The following TECTA variants were observed in gnomAD, a reference collection of about 807,000 sequenced individuals.
The protein encoded by TECTA is tectorin alpha.
In TECTA, 128 loss-of-function variants were observed where a neutral mutation model predicts 216.8. That is an observed-to-expected ratio of 0.59 (90% confidence interval 0.51 to 0.68). The LOEUF (loss-of-function observed/expected upper bound fraction) is 0.68, where lower values mean the gene tolerates loss of function less well. TECTA is among the 30% of genes least tolerant of loss of function. The pLI, the probability that TECTA is intolerant of heterozygous loss-of-function variation, is 0.00. For synonymous variants in TECTA, 1,089 were observed against 1,117.1 expected, an observed-to-expected ratio of 0.97 and a Z score of 0.50; for missense variants, 2,551 against 2,786.2, an observed-to-expected ratio of 0.92 and a Z score of 1.90.
intron 16 of TECTA, among the ~76,000 whole-genome samples, chr11:121,163,579 C>A (rs1004959603): frequency 6.6e-6 from 1 of 151,792 alleles, no homozygotes; most frequent in African/African-American, 2.4e-5. Flanking sequence ...TGCACATGTA[C>A]CCTAAAACTT....
intron 7 of TECTA, 122 bp downstream of exon 7, chr11:121,118,840 A>G: frequency 1.5e-6 from 2 of 1,297,734 alleles, no homozygotes; most frequent in Non-Finnish European, 2.2e-6. Flanking sequence ...AGAGATGCAC[A>G]GCTCTCCCCG....
In TECTA at chr11:121,138,027, G is replaced by C; in HGVS notation, c.3543+5G>C. 6.2e-7 allele frequency: 1 copy of C among 1,613,806 alleles called. No individual in the cohort carries two copies. The highest frequency in any genetic ancestry group is 8.5e-7 in the Non-Finnish European group (1 of 1,179,768). ...GCTTACAAGCACACTGTGCTGGTGA[G>C]TAGTCATGAGGTCCCCTCAAAAGGG... On this transcript the variant is annotated splice_donor_5th_base_variant and intron_variant, in intron 11 of 23. Transcript: ENST00000392793.
chr11:121,130,298 G>A, intron 10 of TECTA, 87 bp downstream of exon 10: 1 of 1,462,688 alleles, frequency 6.8e-7, no homozygotes, highest in East Asian at 2.3e-5. Context: ...CCTTCCAGGT[G>A]GGACTGAGCT....
chr11:121,173,447 A>T (rs12365488), intron 20 of TECTA, among the ~76,000 whole-genome samples: 15,626 of 133,252 alleles, frequency 0.12, 1,175 homozygotes, highest in South Asian at 0.3. Context: ...TAAATAGGGA[A>T]TCCTTTCCCC....
Position 121,127,680 on chromosome 11 carries a change from T to C in TECTA, c.1775-72T>C. On this transcript the variant is annotated intron_variant, in intron 8 of 23. Transcript: ENST00000392793. This position sits in a 1 kb window ranked among gnomAD's most constrained non-coding sequence, Gnocchi z 5.0. ...GGAACTAAATGATCCAGGAGGAGCG[T>C]TAAGATTCTGGCGGGTTAGCACTCC... 6.4e-7 allele frequency: 1 copy of C among 1,554,734 alleles called. No individual in the cohort carries two copies. The highest frequency in any genetic ancestry group is 1.1e-5 in the South Asian group (1 of 89,930).
Position 121,148,678 on chromosome 11 carries a change from A to C in TECTA, c.4105+2562A>C, listed in dbSNP as rs377440714. Among the ~76,000 whole-genome samples the C allele has an allele frequency of 2.6e-5, 4 of 152,362 alleles. No individual in the cohort carries two copies. The East Asian group carries it at 7.7e-4, about 29-fold the overall frequency. On this transcript the variant is annotated intron_variant, in intron 12 of 23. Transcript: ENST00000392793. ...TGCTTGATAGGAGAAATGGTGCTTT[A>C]GGAGCAAAGGGGTTAACCTAGAACT...
chr11:121,105,942 G>T lies in TECTA; in HGVS notation c.176G>T (p.Gly59Val). 1.2e-6 allele frequency: 2 copies of T among 1,614,146 alleles called. No individual in the cohort carries two copies. The highest frequency in any genetic ancestry group is 1.7e-6 in the Non-Finnish European group (2 of 1,180,012). Residue 59 changes from glycine to valine, a missense_variant, in exon 3 of 24, where the codon GGC becomes GTC. This residue lies in a region of TECTA where 2,375 missense variants were observed against 2,563.9 expected (regional missense o/e 0.93). Transcript: ENST00000392793. This position sits in a 1 kb window ranked among gnomAD's most constrained non-coding sequence, Gnocchi z 5.3. ...TTGGCCATCCCAGTTTTCTTCTTTG[G>T]CGTTCCTTACCGCACTGTCTATGTA... ...IKLAIPVFFF[G>V]VPYRTVYVNN...
At chr11:121,106,018 ATTAAGAAAAGCATT>A in intron 3 of TECTA, 54 bp downstream of exon 3, 1 of 1,613,880 alleles carries the variant, frequency 6.2e-7, no homozygotes, top group Non-Finnish European at 8.5e-7. Flanking sequence ...TTTGTTTGTC[ATTAAGAAAAGCATT>A]TTAAGTATCC....
At chr11:121,177,722 C>T (rs1947182796) in intron 20 of TECTA, among the ~76,000 whole-genome samples, 1 of 152,230 alleles carries the variant, frequency 6.6e-6, no homozygotes, top group African/African-American at 2.4e-5. Context: ...CAGACAGGGA[C>T]ATTTAAGTCT....
intron 10 of TECTA, among the ~76,000 whole-genome samples, chr11:121,136,057 C>T (rs887820103): frequency 3.9e-5 from 6 of 151,944 alleles, no homozygotes; most frequent in Admixed American, 2.6e-4. Flanking sequence ...CTCCCAGGTT[C>T]GAGCGATTCT....
At chr11:121,143,308 T>C (rs1490054013) in intron 11 of TECTA, among the ~76,000 whole-genome samples, 1 of 152,196 alleles carries the variant, frequency 6.6e-6, no homozygotes, top group Non-Finnish European at 1.5e-5. Flanking sequence ...GCTGTAATTA[T>C]TCATATTTAT....
At chr11:121,167,963 C>A in intron 18 of TECTA, 91 bp from the exon 19 acceptor site, 2 of 1,468,856 alleles carry the variant, frequency 1.4e-6, no homozygotes, top group Non-Finnish European at 1.9e-6. Context: ...GGAAGGAAGC[C>A]ATTTCTCCAC....
chr11:121,134,388 G>A (rs541207769), intron 10 of TECTA, among the ~76,000 whole-genome samples: 16 of 131,932 alleles, frequency 1.2e-4, no homozygotes, highest in Admixed American at 3.0e-4. Context: ...CTGACCTTGG[G>A]AAATCCAAGG....
chr11:121,112,528 C>A (rs1235487398), intron 4 of TECTA, among the ~76,000 whole-genome samples: 1 of 152,192 alleles, frequency 6.6e-6, no homozygotes, highest in African/African-American at 2.4e-5. Context: ...CCAGAAAGTG[C>A]TTTTTAAAAA....
intron 10 of TECTA, 138 bp from the exon 11 acceptor site, chr11:121,137,283 C>T: frequency 5.3e-6 from 6 of 1,136,220 alleles, no homozygotes; most frequent in South Asian, 1.3e-5. Context: ...CAAATGCATG[C>T]ATACACAAAT....
At chr11:121,121,152 G>C (rs1446762045) in intron 7 of TECTA, among the ~76,000 whole-genome samples, 1 of 152,190 alleles carries the variant, frequency 6.6e-6, no homozygotes, top group Non-Finnish European at 1.5e-5. Flanking sequence ...AAATGATAAG[G>C]ACCTCCTAAG....
chr11:121,184,135 A>C (rs778491703), intron 20 of TECTA, among the ~76,000 whole-genome samples: 1 of 152,248 alleles, frequency 6.6e-6, no homozygotes, highest in African/African-American at 2.4e-5. Flanking sequence ...TCACAATTCT[A>C]AGTGGTAGAG....
intron 20 of TECTA, among the ~76,000 whole-genome samples, chr11:121,183,632 C>G (rs1947253213): frequency 6.6e-6 from 1 of 152,106 alleles, no homozygotes; most frequent in South Asian, 2.1e-4. Context: ...CAACTTGAGG[C>G]AGGAGAATCA....
intron 7 of TECTA, among the ~76,000 whole-genome samples, chr11:121,123,683 CTCA>C (rs1946580728): frequency 6.6e-6 from 1 of 152,250 alleles, no homozygotes; most frequent in Non-Finnish European, 1.5e-5. Flanking sequence ...AAGACCTGTT[CTCA>C]ACACAAAAGC....
Sources: gnomAD v4.1 joint callset for allele counts (sites outside exome capture counted in the v4.1 genomes callset) on GRCh38, gnomAD v4.1.1 for gene constraint, gnomAD v4.1.1 regional missense constraint, Gnocchi (gnomAD v3.1) non-coding constraint, MANE v1.5 for transcripts, NCBI Gene and HGNC (gene_info 2026-07-23, HGNC 2026-07-21) for gene names.